Variants in MAK16 observed in about 807,000 individuals in gnomAD.
MAK16 encodes protein MAK16 homolog.
In MAK16, 12 loss-of-function variants were observed where a neutral mutation model predicts 49.9. That is an observed-to-expected ratio of 0.24 (90% confidence interval 0.15 to 0.39). The LOEUF (loss-of-function observed/expected upper bound fraction) is 0.39, where lower values mean the gene tolerates loss of function less well. Ranked by LOEUF, MAK16 falls within the 10% of genes least tolerant of loss-of-function variation. The probability of loss-of-function intolerance (pLI) is 1.00; values close to 1 mark genes in which losing one functional copy is unlikely to be tolerated. For synonymous variants in MAK16, 115 were observed against 126.4 expected, an observed-to-expected ratio of 0.91 and a Z score of 0.60; for missense variants, 292 against 363.7, an observed-to-expected ratio of 0.80 and a Z score of 1.60.
At position 33,486,961 on chromosome 8, in the gene MAK16, G is replaced by T. The variant is rs532046875; in HGVS notation, c.16-1417G>T. Among the ~76,000 whole-genome samples, 5 of 152,260 alleles carry T rather than the reference G, an allele frequency of 3.3e-5. No homozygotes were observed. In the South Asian group the frequency reaches 6.2e-4, roughly 19 times the overall value. The stretch of plus-strand genomic sequence containing the variant: ...GATACTTAAAGCCACAAGCCTAAAA[G>T]AGCTCCCTTATTCTTCTTACCTGTT... On this transcript the variant is annotated intron_variant, in intron 1 of 9. Coordinates refer to ENST00000360128, the MANE Select transcript of MAK16 (RefSeq NM_032509.4).
chr8:33,491,627 CTTTTTTTTTTT>C (rs554026888), intron 6 of MAK16, among the ~76,000 whole-genome samples: 1 of 89,890 alleles, frequency 1.1e-5, no homozygotes, highest in Non-Finnish European at 2.0e-5. Flanking sequence ...CTGCCCCCTG[CTTTTTTTTTTT>C]TTTTTTTTTT....
intron 8 of MAK16, 60 bp downstream of exon 8, chr8:33,496,801 C>A: frequency 8.1e-7 from 1 of 1,233,706 alleles, no homozygotes; most frequent in Non-Finnish European, 1.1e-6. Flanking sequence ...AACTGAGAAA[C>A]AGAATATCAT....
chr8:33,487,302 T>C (rs1440261024), intron 1 of MAK16, among the ~76,000 whole-genome samples: 1 of 152,198 alleles, frequency 6.6e-6, no homozygotes, highest in East Asian at 1.9e-4. Flanking sequence ...CTTACATAAA[T>C]TAAGTATATA....
rs16881030 is a variant in MAK16, at chr8:33,493,135, A to G, written c.448-2407A>G. Among the ~76,000 whole-genome samples, 1,049 of 152,204 alleles carry G rather than the reference A, an allele frequency of 6.9e-3. 20 individuals are homozygous for G. Among genetic ancestry groups the G allele is most frequent in the African/African-American group, 0.024 (1,003 of 41,528 alleles). On this transcript the variant is annotated intron_variant, in intron 6 of 9. Transcript: ENST00000360128. ...GCTCACCTCAGTAAAATTTTTGAAC[A>G]TGTATTCCCCAATGTTATTTATAAA... is the stretch of plus-strand genomic sequence containing the variant.
In MAK16 at chr8:33,496,717, AGATGAT is replaced by A. The variant is rs376700753; in HGVS notation, c.630_635del (p.Asp210_Asp211del). 1.1e-4 allele frequency: 180 copies of A among 1,610,484 alleles called. 1 individual carries two copies. The South Asian group carries it at 1.5e-3, about 13-fold the overall frequency. On this transcript the variant is annotated inframe_deletion, in exon 8 of 10. Transcript: ENST00000360128. ...GTGACTCTTCAGATACTGAGGAAAA[AGATGAT>A]GATGATGATGATGAGGAAGTAAGTC...
In MAK16 at chr8:33,500,555, C is replaced by T. The variant is rs182182140; in HGVS notation, c.*1926C>T. On this transcript the variant is annotated 3_prime_UTR_variant, in exon 10 of 10. Transcript: ENST00000360128. ...TGGATATTAAAATTGGAAGAGACTT[C>T]AAAGACTGTCAAGTGGAAAGCTATC... is the stretch of plus-strand genomic sequence containing the variant. The T allele has an allele frequency of 6.3e-7, 1 of 1,577,076 alleles. No individual in the cohort carries two copies. Among genetic ancestry groups the T allele is most frequent in the East Asian group, 2.3e-5 (1 of 44,212 alleles).
intron 3 of MAK16, 24 bp downstream of exon 3, chr8:33,488,653 A>G (rs1156721258): frequency 2.5e-6 from 4 of 1,612,066 alleles, no homozygotes; most frequent in African/African-American, 2.7e-5. Context: ...TTTAACTTCT[A>G]GAAGAACTGC....
At chr8:33,496,879 C>G in intron 8 of MAK16, 138 bp downstream of exon 8, 1 of 650,098 alleles carries the variant, frequency 1.5e-6, no homozygotes, top group Non-Finnish European at 2.5e-6. Context: ...TGGTTTAGCA[C>G]TGGTTGCTCT....
chr8:33,497,833 C>T (rs1229582793), intron 9 of MAK16, among the ~76,000 whole-genome samples: 5 of 151,668 alleles, frequency 3.3e-5, no homozygotes, highest in African/African-American at 7.3e-5. Flanking sequence ...TGGTGGCTCA[C>T]GCCTATAATC....
At chr8:33,492,827 T>C (rs1808798344) in intron 6 of MAK16, among the ~76,000 whole-genome samples, 1 of 152,102 alleles carries the variant, frequency 6.6e-6, no homozygotes, top group South Asian at 2.1e-4. Context: ...AGTTAGGTAA[T>C]GTGATTCCTC....
Position 33,497,303 on chromosome 8 carries a change from C to G in MAK16, c.705+6C>G, listed in dbSNP as rs767487402. 3 of 1,520,788 alleles carry G rather than the reference C, an allele frequency of 2.0e-6. No individual in the cohort carries two copies. Among genetic ancestry groups the G allele is most frequent in the Non-Finnish European group, 2.7e-6 (3 of 1,108,052 alleles). 94.2% of individuals were successfully genotyped at this position (1,520,788 alleles called of 1,614,324 possible). Reference sequence around the variant, plus strand: ...GTGACATAAGTGATTTTGAGGTGAGCTTTATGGGTAAAAAGATTGTCCTTT... The same window carrying G: ...GTGACATAAGTGATTTTGAGGTGAGGTTTATGGGTAAAAAGATTGTCCTTT... On this transcript the variant is annotated splice_donor_region_variant and intron_variant, in intron 9 of 9. Transcript: ENST00000360128.
intron 7 of MAK16, among the ~76,000 whole-genome samples, chr8:33,495,842 G>A (rs933636960): frequency 2.0e-5 from 3 of 151,202 alleles, no homozygotes; most frequent in South Asian, 2.1e-4. Flanking sequence ...TCAGCCTCCT[G>A]AGTAGTTGGG....
At chr8:33,498,290 AAATT>A (rs1808916495) in intron 9 of MAK16, 138 bp from the exon 10 acceptor site, 2 of 734,260 alleles carry the variant, frequency 2.7e-6, no homozygotes, top group Non-Finnish European at 4.2e-6. Context: ...AAAAAAAAAA[AAATT>A]AAAGAAAGGG....
At chr8:33,487,230 T>A (rs1315050664) in intron 1 of MAK16, among the ~76,000 whole-genome samples, 1 of 152,194 alleles carries the variant, frequency 6.6e-6, no homozygotes, top group Non-Finnish European at 1.5e-5. Flanking sequence ...AAGAGTATAC[T>A]TTCTTTCATT....
At chr8:33,488,112 T>G (rs1808716797) in intron 1 of MAK16, among the ~76,000 whole-genome samples, 1 of 152,102 alleles carries the variant, frequency 6.6e-6, no homozygotes, top group African/African-American at 2.4e-5. Flanking sequence ...ATTTTTAATA[T>G]AAACAGGGTT....
At chr8:33,492,160 C>A (rs1261926279) in intron 6 of MAK16, among the ~76,000 whole-genome samples, 1 of 152,060 alleles carries the variant, frequency 6.6e-6, no homozygotes, top group Non-Finnish European at 1.5e-5. Flanking sequence ...CAGGTGTGCA[C>A]CACCATGCCT....
intron 8 of MAK16, 22 bp from the exon 9 acceptor site, chr8:33,497,209 TA>T: frequency 6.4e-7 from 1 of 1,566,334 alleles, no homozygotes. Flanking sequence ...ATTCTGAACC[TA>T]ACAGTTATGT....
At chr8:33,490,406 C>A in intron 6 of MAK16, 67 bp downstream of exon 6, 2 of 1,286,024 alleles carry the variant, frequency 1.6e-6, no homozygotes, top group South Asian at 1.2e-5. Flanking sequence ...TAGATTCAGT[C>A]ACCATCATTA....
chr8:33,486,666 G>A (rs924382204), intron 1 of MAK16, among the ~76,000 whole-genome samples: 2 of 152,222 alleles, frequency 1.3e-5, no homozygotes, highest in African/African-American at 4.8e-5. Flanking sequence ...TAATTGACAA[G>A]ACTTTGGTGA....
Sources: gnomAD v4.1 joint callset for allele counts (sites outside exome capture counted in the v4.1 genomes callset) on GRCh38, gnomAD v4.1.1 for gene constraint, MANE v1.5 for transcripts, NCBI Gene and HGNC (gene_info 2026-07-23, HGNC 2026-07-21) for gene names.